CNTNAP2: variants seen among roughly 807,000 people sequenced by gnomAD.
CNTNAP2 encodes contactin-associated protein-like 2.
In CNTNAP2, 98 loss-of-function variants were observed where a neutral mutation model predicts 155.2. The ratio of observed to expected loss-of-function variants is 0.63; its 90% confidence interval spans 0.54 to 0.75. The LOEUF (loss-of-function observed/expected upper bound fraction) is 0.75. CNTNAP2 is among the 30% of genes least tolerant of loss of function. CNTNAP2 has a pLI of 0.00. For synonymous variants in CNTNAP2, 651 were observed against 631.2 expected, an observed-to-expected ratio of 1.03 and a Z score of -0.47; for missense variants, 1,727 against 1,688.1, an observed-to-expected ratio of 1.02 and a Z score of -0.40.
intron 11 of CNTNAP2, among the ~76,000 whole-genome samples, chr7:147,520,491 G>A (rs959626478): frequency 5.1e-4 from 77 of 152,114 alleles, no homozygotes; most frequent in African/African-American, 1.8e-3. Flanking sequence ...CATGGTACTC[G>A]CTTCATGCTC....
In CNTNAP2 at chr7:148,258,056, C is replaced by T. The variant is rs137991296; in HGVS notation, c.3382-8977C>T. Among the ~76,000 whole-genome samples, 899 of 152,226 alleles carry T rather than the reference C, an allele frequency of 5.9e-3. 4 individuals are homozygous for T. The highest frequency in any genetic ancestry group is 5.6e-3 in the Admixed American group (86 of 15,282). ...TATCACAGGCCCTTTTCATGTGGATCGTAAATTAACTGGAAGGTTTATTAG... is the reference window on the plus strand; with the variant it reads ...TATCACAGGCCCTTTTCATGTGGATTGTAAATTAACTGGAAGGTTTATTAG... On this transcript the variant is annotated intron_variant, in intron 20 of 23. Coordinates refer to ENST00000361727, the MANE Select transcript of CNTNAP2 (RefSeq NM_014141.6).
intron 4 of CNTNAP2, among the ~76,000 whole-genome samples, chr7:147,063,736 T>C (rs375381386): frequency 9.9e-5 from 15 of 152,148 alleles, no homozygotes; most frequent in African/African-American, 3.1e-4. Context: ...ACTTATGTCA[T>C]AAAAATCCTT....
chr7:146,282,447 T>C (rs1349607070), intron 1 of CNTNAP2, among the ~76,000 whole-genome samples: 1 of 152,222 alleles, frequency 6.6e-6, no homozygotes, highest in Non-Finnish European at 1.5e-5. Flanking sequence ...GCCAACACTT[T>C]GGATAATTGT....
chr7:148,178,584 A>G (rs985211568), intron 18 of CNTNAP2, among the ~76,000 whole-genome samples: 2 of 152,260 alleles, frequency 1.3e-5, no homozygotes, highest in East Asian at 3.8e-4. Flanking sequence ...AGCAAATTCA[A>G]GTCTCAACCT....
At chr7:146,669,154 G>C (rs1485902423) in intron 1 of CNTNAP2, among the ~76,000 whole-genome samples, 1 of 152,092 alleles carries the variant, frequency 6.6e-6, no homozygotes, top group Non-Finnish European at 1.5e-5. Context: ...GAAACTTTAT[G>C]ACAACTTTCA....
intron 3 of CNTNAP2, among the ~76,000 whole-genome samples, chr7:147,042,793 A>C (rs1265341453): frequency 6.6e-6 from 1 of 152,112 alleles, no homozygotes; most frequent in Non-Finnish European, 1.5e-5. Flanking sequence ...TTAAATCTGA[A>C]AGTTAATATC....
chr7:146,625,437 G>A (rs1006079671), intron 1 of CNTNAP2, among the ~76,000 whole-genome samples: 1 of 151,826 alleles, frequency 6.6e-6, no homozygotes, highest in African/African-American at 2.4e-5. Context: ...AATTATACTT[G>A]AAAAATAATA....
At chr7:147,024,583 A>G (rs564547813) in intron 3 of CNTNAP2, among the ~76,000 whole-genome samples, 2 of 152,338 alleles carry the variant, frequency 1.3e-5, no homozygotes, top group East Asian at 3.9e-4. Context: ...AGGCAGGTGA[A>G]ACTGTAATCA....
At chr7:147,489,546 T>C (rs1430861506) in intron 11 of CNTNAP2, among the ~76,000 whole-genome samples, 1 of 152,202 alleles carries the variant, frequency 6.6e-6, no homozygotes, top group Non-Finnish European at 1.5e-5. Flanking sequence ...GGGACTAAAA[T>C]GATCATGTTG....
intron 14 of CNTNAP2, among the ~76,000 whole-genome samples, chr7:147,975,073 T>TATAATACCATTTTTTGTATTAC (rs1563154396): frequency 3.9e-5 from 4 of 102,540 alleles, no homozygotes; most frequent in African/African-American, 1.1e-4. Flanking sequence ...TTTTGTATTA[T>TATAATACCATTTTTTGTATTAC]GTATAATACA....
intron 1 of CNTNAP2, among the ~76,000 whole-genome samples, chr7:146,185,761 C>A (rs975190564): frequency 5.3e-5 from 5 of 94,896 alleles, no homozygotes; most frequent in African/African-American, 1.2e-4. Context: ...TTTTATTATT[C>A]TTTTTTTTTT....
intron 10 of CNTNAP2, among the ~76,000 whole-genome samples, chr7:147,426,993 C>T (rs1348725444): frequency 6.6e-6 from 1 of 152,050 alleles, no homozygotes; most frequent in Non-Finnish European, 1.5e-5. Flanking sequence ...AATTTATAAA[C>T]AATAGAAATA....
At chr7:146,169,676 A>T (rs1798361107) in intron 1 of CNTNAP2, among the ~76,000 whole-genome samples, 2 of 147,954 alleles carry the variant, frequency 1.4e-5, no homozygotes, top group Admixed American at 6.8e-5. Context: ...CTGTGATATG[A>T]TTTTTTTTTT....
chr7:146,868,651 G>C (rs1011790437), intron 3 of CNTNAP2, among the ~76,000 whole-genome samples: 1 of 152,122 alleles, frequency 6.6e-6, no homozygotes, highest in Non-Finnish European at 1.5e-5. Flanking sequence ...CCATGAGCAT[G>C]GGAGGTTTTT....
intron 1 of CNTNAP2, among the ~76,000 whole-genome samples, chr7:146,434,362 A>T (rs1796212565): frequency 6.6e-6 from 1 of 152,122 alleles, no homozygotes; most frequent in South Asian, 2.1e-4. Context: ...GCTTTCACAG[A>T]TTTTACGCCA....
chr7:148,410,499 A>T (rs1480024077), intron 23 of CNTNAP2, among the ~76,000 whole-genome samples: 1 of 146,828 alleles, frequency 6.8e-6, no homozygotes, highest in Non-Finnish European at 1.5e-5. Context: ...CCTGGGAGGT[A>T]GAGGTTGCAG....
intron 1 of CNTNAP2, among the ~76,000 whole-genome samples, chr7:146,124,230 C>T (rs1797603599): frequency 6.6e-6 from 1 of 151,916 alleles, no homozygotes. Context: ...ACATGTATCC[C>T]AGAACTTAAA....
intron 13 of CNTNAP2, among the ~76,000 whole-genome samples, chr7:147,748,956 G>C (rs1212617110): frequency 6.6e-6 from 1 of 152,150 alleles, no homozygotes; most frequent in Non-Finnish European, 1.5e-5. Flanking sequence ...CATCTACGTG[G>C]TTTATAGGAC....
chr7:147,633,757 C>T (rs148786087), intron 12 of CNTNAP2, among the ~76,000 whole-genome samples: 7 of 152,194 alleles, frequency 4.6e-5, no homozygotes, highest in East Asian at 1.9e-4. Flanking sequence ...TTCTCTCTCC[C>T]GCCACCCTGT....
Sources: gnomAD v4.1 joint callset for allele counts (sites outside exome capture counted in the v4.1 genomes callset) on GRCh38, gnomAD v4.1.1 for gene constraint, MANE v1.5 for transcripts, NCBI Gene and HGNC (gene_info 2026-07-23, HGNC 2026-07-21) for gene names.